Variants in JAK1 observed in about 807,000 individuals in gnomAD.
JAK1 encodes tyrosine-protein kinase JAK1.
Under a neutral mutation model 136.6 loss-of-function variants are expected in JAK1, and 16 were observed. The ratio of observed to expected loss-of-function variants is 0.12; its 90% CI spans 0.08 to 0.18. JAK1 has a LOEUF of 0.18. Ranked by LOEUF, JAK1 falls within the 10% of genes least tolerant of loss-of-function variation. JAK1 has a pLI of 1.00. For synonymous variants in JAK1, 492 were observed against 519.5 expected (o/e 0.95, Z 0.72); for missense variants, 859 against 1,450.1 (o/e 0.59, Z 6.62).
intron 1 of JAK1, among the ~76,000 whole-genome samples, chr1:65,051,190 T>A (rs1647274463): frequency 6.6e-6 from 1 of 152,092 alleles, no homozygotes; most frequent in South Asian, 2.1e-4. Context: ...TCAGGTTTTT[T>A]TTTTTTTAAC....
intron 2 of JAK1, among the ~76,000 whole-genome samples, chr1:65,016,754 C>T (rs1193292589): frequency 4.6e-5 from 7 of 151,900 alleles, no homozygotes; most frequent in South Asian, 4.1e-4. Flanking sequence ...AAAAATTAGC[C>T]GTGCATGGTG....
chr1:64,985,337 C>T (rs531515845), intron 2 of JAK1: 11 of 1,611,186 alleles, frequency 6.8e-6, no homozygotes, highest in African/African-American at 2.7e-5. Context: ...CAGTGACTTG[C>T]TTTTCTTGTG....
intron 1 of JAK1, among the ~76,000 whole-genome samples, chr1:64,938,909 A>G (rs938396924): frequency 1.3e-5 from 2 of 152,332 alleles, no homozygotes; most frequent in East Asian, 3.9e-4. Flanking sequence ...TCTTAATGTT[A>G]TAATTAATAG....
chr1:64,965,790 G>A (rs1646363319), intron 1 of JAK1, among the ~76,000 whole-genome samples: 1 of 151,486 alleles, frequency 6.6e-6, no homozygotes, highest in Non-Finnish European at 1.5e-5. Context: ...CGAGTTCGCG[G>A]ACGCCCAACA....
intron 1 of JAK1, among the ~76,000 whole-genome samples, chr1:64,924,941 C>T (rs1050104545): frequency 2.0e-5 from 3 of 152,164 alleles, no homozygotes; most frequent in Non-Finnish European, 4.4e-5. Context: ...TGTCCAAACC[C>T]ATAGAATGCA....
intron 2 of JAK1, among the ~76,000 whole-genome samples, chr1:64,885,218 A>G (rs1644833564): frequency 6.6e-6 from 1 of 152,198 alleles, no homozygotes; most frequent in South Asian, 2.1e-4. Flanking sequence ...TCAGATCAAC[A>G]AGCAAGACCA....
rs975739818 is a variant in JAK1, at chr1:64,966,356, G to A, written c.-101C>T. 1 of 151,384 alleles carries A rather than the reference G, an allele frequency of 6.6e-6. No homozygotes were observed. The highest frequency in any genetic ancestry group is 6.6e-5 in the Admixed American group (1 of 15,200). 9.4% of individuals were successfully genotyped at this position (151,384 alleles called of 1,614,324 possible). ...ACCACTTCCGTGTGCGCCTGGGCCA[G>A]GCAGCGCCCCGTCGCTGCGCTGGCT... On this transcript the variant is annotated 5_prime_UTR_variant, in exon 1 of 25. Coordinates refer to ENST00000342505, the MANE Select transcript of JAK1 (RefSeq NM_002227.4).
chr1:65,048,737 T>C (rs965551493), intron 1 of JAK1, among the ~76,000 whole-genome samples: 1 of 152,232 alleles, frequency 6.6e-6, no homozygotes, highest in South Asian at 2.1e-4. Context: ...CTACCTTTAA[T>C]CAGCCTGAGT....
intron 1 of JAK1, among the ~76,000 whole-genome samples, chr1:64,961,068 G>A (rs1482747913): frequency 1.3e-5 from 2 of 152,140 alleles, no homozygotes; most frequent in African/African-American, 4.8e-5. Flanking sequence ...TTGCCTCTGA[G>A]AACATGTCTT....
intron 1 of JAK1, among the ~76,000 whole-genome samples, chr1:64,952,668 A>T (rs1009842663): frequency 2.3e-4 from 35 of 152,228 alleles, no homozygotes; most frequent in African/African-American, 8.4e-4. Flanking sequence ...ACACGGGACC[A>T]AAGACAGAAG....
chr1:64,934,529 C>T (rs1006631855), intron 1 of JAK1, among the ~76,000 whole-genome samples: 4 of 152,136 alleles, frequency 2.6e-5, no homozygotes, highest in East Asian at 1.9e-4. Context: ...GCAGCCATTA[C>T]GAAATGAGAG....
chr1:65,052,657 C>CA (rs1221519370), intron 1 of JAK1, among the ~76,000 whole-genome samples: 4 of 151,874 alleles, frequency 2.6e-5, no homozygotes, highest in African/African-American at 2.4e-5. Flanking sequence ...ACTAAAAATA[C>CA]AAAAAACTTA....
intron 2 of JAK1, among the ~76,000 whole-genome samples, chr1:65,034,988 G>A (rs181392432): frequency 1.2e-4 from 18 of 152,108 alleles, no homozygotes; most frequent in Non-Finnish European, 1.9e-4. Context: ...CCTGGGAGGC[G>A]GAGGTTGCAG....
chr1:65,020,323 A>C (rs1646928121), intron 2 of JAK1, among the ~76,000 whole-genome samples: 1 of 152,116 alleles, frequency 6.6e-6, no homozygotes, highest in East Asian at 1.9e-4. Flanking sequence ...TACTCTCAGC[A>C]ACAGCCTATG....
chr1:64,922,318 A>C (rs1021622995), intron 1 of JAK1, among the ~76,000 whole-genome samples: 5 of 152,132 alleles, frequency 3.3e-5, no homozygotes, highest in African/African-American at 1.2e-4. Flanking sequence ...CAATAGTTGG[A>C]GGTAGAGAGA....
chr1:64,966,452 G>A lies in JAK1; in HGVS notation c.-197C>T, dbSNP rs1646381289. 6.6e-6 allele frequency: 1 copy of A among 151,132 alleles called. No homozygotes were observed. The highest frequency in any genetic ancestry group is 1.5e-5 in the Non-Finnish European group (1 of 67,760). 9.4% of individuals were successfully genotyped at this position (151,132 alleles called of 1,614,324 possible). A position where few individuals can be genotyped will look rare whatever the true frequency, so the allele number is the denominator to read the frequency against. On this transcript the variant is annotated 5_prime_UTR_variant, in exon 1 of 25. Coordinates refer to ENST00000342505, the MANE Select transcript of JAK1 (RefSeq NM_002227.4). ...CAGCGTGCGCGCGCCCAGGGCTGAG[G>A]AGGGGTCGCGGCGAGGACAGCCGGG...
intron 2 of JAK1, among the ~76,000 whole-genome samples, chr1:65,006,527 C>T (rs748560126): frequency 3.3e-5 from 5 of 151,982 alleles, no homozygotes; most frequent in Admixed American, 6.6e-5. Flanking sequence ...ATGGCTAATT[C>T]GTTTATTTTT....
At chr1:64,856,308 A>G (rs938614945) in intron 10 of JAK1, among the ~76,000 whole-genome samples, 7 of 152,322 alleles carry the variant, frequency 4.6e-5, no homozygotes, top group African/African-American at 9.6e-5. Flanking sequence ...GTGGTAAACA[A>G]TGAGGGCCAG....
intron 2 of JAK1, chr1:64,991,217 G>A (rs930720943): frequency 1.3e-5 from 2 of 152,114 alleles, no homozygotes; most frequent in East Asian, 3.9e-4. Flanking sequence ...CCACTAGAGG[G>A]GTTTGTATTA....
Sources: gnomAD v4.1 joint callset for allele counts (sites outside exome capture counted in the v4.1 genomes callset) on GRCh38, gnomAD v4.1.1 for gene constraint, MANE v1.5 for transcripts, NCBI Gene and HGNC (gene_info 2026-07-23, HGNC 2026-07-21) for gene names.